GLIS3: variants seen among roughly 807,000 people sequenced by gnomAD.
GLIS3 encodes GLIS family zinc finger 3.
In GLIS3, 53 loss-of-function variants were observed where a neutral mutation model predicts 78.6. The ratio of observed to expected loss-of-function variants is 0.67; its 90% CI spans 0.54 to 0.85. The LOEUF (loss-of-function observed/expected upper bound fraction) is 0.85. GLIS3 is among the 40% of genes least tolerant of loss of function. The pLI is 0.00. For synonymous variants in GLIS3, 684 were observed against 509.9 expected, an observed-to-expected ratio of 1.34 and a Z score of -4.60; for missense variants, 1,703 against 1,231.1, an observed-to-expected ratio of 1.38 and a Z score of -5.74.
intron 2 of GLIS3, among the ~76,000 whole-genome samples, chr9:4,214,171 C>CA (rs1563767150): frequency 2.0e-5 from 3 of 152,222 alleles, no homozygotes; most frequent in Admixed American, 2.0e-4. Context: ...CAAACTTTAA[C>CA]AAAAAGTAGG....
chr9:4,203,912 C>G (rs1412369094), intron 2 of GLIS3, among the ~76,000 whole-genome samples: 1 of 152,166 alleles, frequency 6.6e-6, no homozygotes, highest in Non-Finnish European at 1.5e-5. Flanking sequence ...ACAGTGGGTA[C>G]TCATGGACAT....
At position 4,275,742 on chromosome 9, in the gene GLIS3, G is replaced by A. The variant is rs140153646; in HGVS notation, c.388+10296C>T. ...CGTGCTACTGCACTCTGGCCTGGGG[G>A]ACAGAGCAAGACCCAGTCTCTATAA... On this transcript the variant is annotated intron_variant, in intron 2 of 10. Coordinates refer to ENST00000381971, the MANE Select transcript of GLIS3 (RefSeq NM_001042413.2). Among the ~76,000 whole-genome samples the A allele has an allele frequency of 9.9e-5, 15 of 152,206 alleles. No homozygotes were observed. In the East Asian group the frequency reaches 2.5e-3, roughly 25 times the overall value.
At chr9:3,848,369 G>A (rs1819195036) in intron 9 of GLIS3, among the ~76,000 whole-genome samples, 1 of 152,166 alleles carries the variant, frequency 6.6e-6, no homozygotes. Context: ...GGGCGTGGTG[G>A]CGCATGCCTG....
the GLIS3 span, among the ~76,000 whole-genome samples, chr9:4,363,269 A>G: frequency 6.6e-6 from 1 of 152,152 alleles, no homozygotes; most frequent in Non-Finnish European, 1.5e-5. Flanking sequence ...CTAAAAATAC[A>G]AAAATTAGCC....
At chr9:4,147,773 C>T (rs1374508810) in intron 2 of GLIS3, 1 of 151,324 alleles carries the variant, frequency 6.6e-6, no homozygotes, top group East Asian at 1.9e-4. Context: ...AACTCACCCA[C>T]CCACCTTTCT....
chr9:4,458,037 T>A, the GLIS3 span, among the ~76,000 whole-genome samples: 1 of 152,090 alleles, frequency 6.6e-6, no homozygotes, highest in Admixed American at 6.6e-5. Flanking sequence ...ATGGAAGGAC[T>A]GAACCACCAA....
chr9:3,936,935 C>A (rs1318781089), intron 5 of GLIS3, 93 bp downstream of exon 5: 3 of 1,552,048 alleles, frequency 1.9e-6, no homozygotes, highest in Admixed American at 3.3e-5. Flanking sequence ...ACCTGCAGAC[C>A]ATAAAGCAAA....
the GLIS3 span, among the ~76,000 whole-genome samples, chr9:4,484,409 T>C: frequency 9.5e-6 from 1 of 104,736 alleles, no homozygotes; most frequent in East Asian, 2.5e-4. Flanking sequence ...GGCTAATTTT[T>C]TTTTTTTTTT....
intron 4 of GLIS3, among the ~76,000 whole-genome samples, chr9:4,048,914 C>G (rs537448593): frequency 7.9e-5 from 12 of 152,332 alleles, no homozygotes; most frequent in African/African-American, 2.9e-4. Flanking sequence ...AGTGACCCTA[C>G]TGCATGCTTT....
intron 4 of GLIS3, among the ~76,000 whole-genome samples, chr9:4,056,469 A>C (rs2130519246): frequency 6.6e-6 from 1 of 152,330 alleles, no homozygotes; most frequent in African/African-American, 2.4e-5. Context: ...AAAGTTTCAA[A>C]TGGAATACCT....
At chr9:3,881,024 T>C (rs1177745960) in intron 7 of GLIS3, among the ~76,000 whole-genome samples, 2 of 152,210 alleles carry the variant, frequency 1.3e-5, no homozygotes, top group African/African-American at 4.8e-5. Flanking sequence ...CCATACAAGT[T>C]GCATATTTGC....
intron 4 of GLIS3, among the ~76,000 whole-genome samples, chr9:4,099,723 G>A (rs1830223512): frequency 6.6e-6 from 1 of 152,154 alleles, no homozygotes; most frequent in Admixed American, 6.5e-5. Context: ...ATTGGTTTCT[G>A]TTTTGCAGGA....
chr9:3,868,819 ATACAACACTTGTTGTACATAGTGTTG>A (rs1820777818), intron 8 of GLIS3, among the ~76,000 whole-genome samples: 3 of 392 alleles, frequency 7.7e-3, no homozygotes, highest in Non-Finnish European at 0.018. Flanking sequence ...TAGCTTTTGT[ATACAACACTTGTTGTACATAGTGTTG>A]TATACAACAC....
chr9:4,441,401 G>A, the GLIS3 span, among the ~76,000 whole-genome samples: 1 of 151,956 alleles, frequency 6.6e-6, no homozygotes, highest in Non-Finnish European at 1.5e-5. Flanking sequence ...TCTACATCTT[G>A]GTTTTTGTCC....
intron 4 of GLIS3, among the ~76,000 whole-genome samples, chr9:3,965,373 T>C (rs1178812176): frequency 2.0e-5 from 3 of 151,742 alleles, no homozygotes; most frequent in African/African-American, 4.8e-5. Flanking sequence ...TTTGTACTTT[T>C]AGTAGAGAGG....
At chr9:3,965,815 C>G (rs1817897505) in intron 4 of GLIS3, among the ~76,000 whole-genome samples, 1 of 152,172 alleles carries the variant, frequency 6.6e-6, no homozygotes. Flanking sequence ...CTCTGTGCTG[C>G]TTATTTAGAC....
intron 4 of GLIS3, among the ~76,000 whole-genome samples, chr9:4,064,808 A>T (rs1030377475): frequency 6.6e-6 from 1 of 152,162 alleles, no homozygotes; most frequent in African/African-American, 2.4e-5. Context: ...TCATATAGGG[A>T]AGTAGGCTTC....
intron 7 of GLIS3, among the ~76,000 whole-genome samples, chr9:3,897,553 C>G (rs376520576): frequency 2.0e-4 from 31 of 152,198 alleles, no homozygotes; most frequent in African/African-American, 7.0e-4. Flanking sequence ...TTGGTCAACC[C>G]TTCTTCGTCT....
At chr9:3,838,142 T>C (rs1019873744) in intron 9 of GLIS3, among the ~76,000 whole-genome samples, 1 of 152,204 alleles carries the variant, frequency 6.6e-6, no homozygotes, top group African/African-American at 2.4e-5. Flanking sequence ...ATGTATTCCA[T>C]GAAGGCAGAC....
Sources: gnomAD v4.1 joint callset for allele counts (sites outside exome capture counted in the v4.1 genomes callset) on GRCh38, gnomAD v4.1.1 for gene constraint, MANE v1.5 for transcripts, NCBI Gene and HGNC (gene_info 2026-07-23, HGNC 2026-07-21) for gene names.